Variants in ENTHD1 observed in about 807,000 individuals in gnomAD.
ENTHD1 encodes the protein ENTH domain-containing protein 1.
In ENTHD1, 23 loss-of-function variants were observed where a neutral mutation model predicts 39.1. The observed-to-expected ratio is 0.59, with a 90% CI of 0.42 to 0.83. The LOEUF (loss-of-function observed/expected upper bound fraction) is 0.83. Among genes scored for constraint, ENTHD1 ranks in the 40% least tolerant of loss-of-function variants. ENTHD1 has a pLI of 0.00. For synonymous variants in ENTHD1, 230 were observed against 258.2 expected (o/e 0.89, Z 1.05); for missense variants, 624 against 705.4 (o/e 0.88, Z 1.31).
chr22:39,848,323 G>A (rs1221376041), intron 3 of ENTHD1, among the ~76,000 whole-genome samples: 2 of 149,906 alleles, frequency 1.3e-5, no homozygotes, highest in African/African-American at 2.5e-5. Flanking sequence ...GCACAATCTT[G>A]GCTCACTGCA....
chr22:39,833,877 C>T (rs184145194), intron 4 of ENTHD1, among the ~76,000 whole-genome samples: 9 of 147,800 alleles, frequency 6.1e-5, no homozygotes, highest in East Asian at 4.0e-4. Context: ...ACCACACTTA[C>T]GCATACTGTA....
At chr22:39,840,137 A>T (rs534834073) in intron 3 of ENTHD1, among the ~76,000 whole-genome samples, 1 of 152,338 alleles carries the variant, frequency 6.6e-6, no homozygotes, top group South Asian at 2.1e-4. Context: ...TGGAAATGAG[A>T]TCCCTTTGGT....
intron 5 of ENTHD1, among the ~76,000 whole-genome samples, chr22:39,814,713 A>G (rs904289493): frequency 3.9e-5 from 6 of 152,236 alleles, no homozygotes; most frequent in Non-Finnish European, 5.9e-5. Flanking sequence ...TCCATTTAGA[A>G]GTAAAATTGG....
intron 5 of ENTHD1, among the ~76,000 whole-genome samples, chr22:39,791,861 G>A (rs2065507127): frequency 6.6e-6 from 1 of 151,942 alleles, no homozygotes; most frequent in Non-Finnish European, 1.5e-5. Context: ...TGTTTGTTTT[G>A]TTTTTCCTGA....
chr22:39,879,258 C>A (rs1408240748), intron 2 of ENTHD1, among the ~76,000 whole-genome samples: 1 of 151,450 alleles, frequency 6.6e-6, no homozygotes, highest in Middle Eastern at 3.4e-3. Flanking sequence ...GTCAGGAGAT[C>A]GAGACCATCC....
At chr22:39,782,714 T>A (rs2065420206) in intron 5 of ENTHD1, among the ~76,000 whole-genome samples, 1 of 152,092 alleles carries the variant, frequency 6.6e-6, no homozygotes, top group African/African-American at 2.4e-5. Flanking sequence ...AAAAACCATA[T>A]GATTATTTCA....
intron 5 of ENTHD1, 126 bp downstream of exon 5, chr22:39,820,867 G>A: frequency 2.1e-6 from 2 of 946,060 alleles, no homozygotes; most frequent in Non-Finnish European, 3.1e-6. Context: ...ATAGGACCAT[G>A]TTGTGGGTTG....
At chr22:39,845,002 CA>C (rs1473241681) in intron 3 of ENTHD1, among the ~76,000 whole-genome samples, 2 of 150,744 alleles carry the variant, frequency 1.3e-5, no homozygotes, top group African/African-American at 4.9e-5. Context: ...GACTCAAAAA[CA>C]GAACAGAGTT....
At chr22:39,768,682 A>G (rs531758931) in intron 5 of ENTHD1, among the ~76,000 whole-genome samples, 1 of 152,232 alleles carries the variant, frequency 6.6e-6, no homozygotes, top group Non-Finnish European at 1.5e-5. Context: ...ATGCTTTTGC[A>G]TATAGGAGGT....
intron 4 of ENTHD1, among the ~76,000 whole-genome samples, chr22:39,832,240 G>A (rs1422884238): frequency 1.3e-5 from 2 of 152,196 alleles, no homozygotes; most frequent in Non-Finnish European, 2.9e-5. Flanking sequence ...GCACCCATGA[G>A]TTTGAGGTTA....
At chr22:39,859,838 G>A (rs2066125406) in intron 3 of ENTHD1, among the ~76,000 whole-genome samples, 1 of 152,212 alleles carries the variant, frequency 6.6e-6, no homozygotes, top group African/African-American at 2.4e-5. Context: ...AACTTCTTGG[G>A]TACAGGATTG....
Position 39,786,648 on chromosome 22 carries a change from G to T in ENTHD1, c.833-21039C>A, listed in dbSNP as rs187636746. On this transcript the variant is annotated intron_variant, in intron 5 of 6. Coordinates refer to ENST00000325157, the MANE Select transcript of ENTHD1 (RefSeq NM_152512.4). ...GCTGTACAATAGATCTCCAGGACAT[G>T]TTCATCTGAAGTGAAACTTTATACA... Among the ~76,000 whole-genome samples the T allele has an allele frequency of 4.9e-4, 74 of 152,004 alleles. No individual in the cohort carries two copies. The Middle Eastern group carries it at 0.024, about 49-fold the overall frequency.
chr22:39,783,205 G>A (rs2065425111), intron 5 of ENTHD1, among the ~76,000 whole-genome samples: 1 of 151,698 alleles, frequency 6.6e-6, no homozygotes, highest in Non-Finnish European at 1.5e-5. Context: ...AGCATACCTA[G>A]GAATAAATTT....
chr22:39,875,021 G>A (rs1275995671), intron 2 of ENTHD1, among the ~76,000 whole-genome samples: 1 of 152,104 alleles, frequency 6.6e-6, no homozygotes, highest in South Asian at 2.1e-4. Context: ...TATCGCACAG[G>A]AATGTTCATA....
rs115842582 is a variant in ENTHD1 at position 39,768,174 on chromosome 22, C to T, written c.833-2565G>A. Among the ~76,000 whole-genome samples the T allele has an allele frequency of 3.3e-3, 508 of 152,240 alleles. 10 individuals carry two copies. The highest frequency in any genetic ancestry group is 0.012 in the African/African-American group (484 of 41,548). On this transcript the variant is annotated intron_variant, in intron 5 of 6. Transcript: ENST00000325157. ...ATCCACCCCTGCTGTCTATGCAATG[C>T]GTCAAATTATTCCTCTCCAATTCAA...
intron 6 of ENTHD1, among the ~76,000 whole-genome samples, chr22:39,746,027 G>A (rs1398027728): frequency 6.6e-6 from 1 of 152,134 alleles, no homozygotes; most frequent in African/African-American, 2.4e-5. Flanking sequence ...ACTCACTGAG[G>A]TCAACTCAAT....
chr22:39,885,560 A>G (rs952169462), intron 2 of ENTHD1, among the ~76,000 whole-genome samples: 14 of 152,224 alleles, frequency 9.2e-5, no homozygotes, highest in African/African-American at 2.7e-4. Context: ...GTTCAGTGCA[A>G]TAGCTAAAAG....
At chr22:39,844,286 A>G (rs762021269) in intron 3 of ENTHD1, among the ~76,000 whole-genome samples, 15 of 152,104 alleles carry the variant, frequency 9.9e-5, no homozygotes, top group East Asian at 1.9e-4. Context: ...AAAAGAACCA[A>G]CTTTACTGCT....
intron 2 of ENTHD1, among the ~76,000 whole-genome samples, chr22:39,873,133 C>T (rs1416067247): frequency 3.9e-5 from 6 of 151,998 alleles, no homozygotes; most frequent in African/African-American, 1.4e-4. Context: ...TTAATAACAA[C>T]ATTGAAATCT....
Sources: allele counts gnomAD v4.1 joint callset (sites outside exome capture counted in the v4.1 genomes callset), GRCh38; gene constraint gnomAD v4.1.1; transcripts MANE v1.5; gene names NCBI Gene and HGNC (gene_info 2026-07-23, HGNC 2026-07-21).